The following CACNA2D1 variants were observed in gnomAD, a reference collection of about 807,000 sequenced individuals.
CACNA2D1 encodes the protein voltage-dependent calcium channel subunit alpha-2/delta-1.
In CACNA2D1, 53 loss-of-function variants were observed where a neutral mutation model predicts 171.5. The observed-to-expected ratio is 0.31, with a 90% CI of 0.25 to 0.39. The LOEUF (loss-of-function observed/expected upper bound fraction) is 0.39, where lower values mean the gene tolerates loss of function less well. Ranked by LOEUF, CACNA2D1 falls within the 10% of genes least tolerant of loss-of-function variation. The pLI is 1.00. For synonymous variants in CACNA2D1, 442 were observed against 443.1 expected (o/e 1.00, Z 0.03); for missense variants, 903 against 1,299.8 (o/e 0.69, Z 4.69).
chr7:82,196,220 ACT>A (rs1342470360), intron 3 of CACNA2D1, among the ~76,000 whole-genome samples: 1 of 152,078 alleles, frequency 6.6e-6, no homozygotes, highest in Non-Finnish European at 1.5e-5. Context: ...TGGTCTAATA[ACT>A]CTCTTTAAAG....
At chr7:81,996,039 A>G (rs1240206964) in intron 19 of CACNA2D1, among the ~76,000 whole-genome samples, 1 of 152,188 alleles carries the variant, frequency 6.6e-6, no homozygotes, top group East Asian at 1.9e-4. Context: ...TCTTAAAGGA[A>G]GGAGTAGATA....
At chr7:82,258,386 C>A (rs911702539) in intron 3 of CACNA2D1, among the ~76,000 whole-genome samples, 2 of 151,840 alleles carry the variant, frequency 1.3e-5, no homozygotes, top group Non-Finnish European at 2.9e-5. Flanking sequence ...GTAAGGCCGT[C>A]TAGTTCAATG....
intron 11 of CACNA2D1, 115 bp from the exon 12 acceptor site, chr7:82,033,016 C>A: frequency 1.5e-6 from 1 of 679,678 alleles, no homozygotes; most frequent in Non-Finnish European, 2.7e-6. Context: ...AATATCTGCT[C>A]ACAAAATATA....
At chr7:82,156,883 C>T (rs1408527381) in intron 4 of CACNA2D1, among the ~76,000 whole-genome samples, 3 of 152,018 alleles carry the variant, frequency 2.0e-5, no homozygotes, top group Non-Finnish European at 4.4e-5. Flanking sequence ...TGACTAGCAT[C>T]AACATAATTA....
intron 8 of CACNA2D1, among the ~76,000 whole-genome samples, chr7:82,065,178 C>G (rs114559024): frequency 6.6e-6 from 1 of 152,138 alleles, no homozygotes; most frequent in African/African-American, 2.4e-5. Context: ...TGCCAGTTAA[C>G]TTTCCAATTA....
chr7:82,443,613 G>C lies in CACNA2D1; in HGVS notation c.-154C>G. The C allele has an allele frequency of 7.3e-7, 1 of 1,366,818 alleles. No individual in the cohort carries two copies. The highest frequency in any genetic ancestry group is 9.4e-7 in the Non-Finnish European group (1 of 1,065,780). The allele number at this position is 1,366,818 out of a possible 1,614,324, so 84.7% of individuals were successfully genotyped here. ...GGGGCCCGAGGCGCGGAGCCGCGCG[G>C]GGGACGGCAAGGGCGGGAGCGGACG... On this transcript the variant is annotated 5_prime_UTR_variant, in exon 1 of 39. Coordinates refer to ENST00000356860, the MANE Select transcript of CACNA2D1 (RefSeq NM_000722.4).
At chr7:82,415,584 G>A (rs1828088759) in intron 1 of CACNA2D1, among the ~76,000 whole-genome samples, 1 of 151,934 alleles carries the variant, frequency 6.6e-6, no homozygotes, top group Non-Finnish European at 1.5e-5. Flanking sequence ...TAATAAACAG[G>A]CAACATTGCA....
At chr7:82,198,522 T>C (rs1446719132) in intron 3 of CACNA2D1, among the ~76,000 whole-genome samples, 1 of 151,540 alleles carries the variant, frequency 6.6e-6, no homozygotes, top group Non-Finnish European at 1.5e-5. Context: ...CATCACTTAA[T>C]TCAGAATGTC....
At chr7:81,960,719 CTTACTTCT>C (rs11278096) in intron 36 of CACNA2D1, among the ~76,000 whole-genome samples, 34,368 of 151,700 alleles carry the variant, frequency 0.23, 3,949 homozygotes, top group Middle Eastern at 0.28. Context: ...TACAATTTAA[CTTACTTCT>C]TTAAGCACAC....
chr7:81,950,342 T>C lies in CACNA2D1; in HGVS notation c.*50A>G. 1 of 1,612,680 alleles carries C rather than the reference T, an allele frequency of 6.2e-7. No individual in the cohort carries two copies. The highest frequency in any genetic ancestry group is 8.5e-7 in the Non-Finnish European group (1 of 1,179,090). On this transcript the variant is annotated 3_prime_UTR_variant, in exon 39 of 39. Transcript: ENST00000356860. Reference sequence around the variant, plus strand: ...TTACTGTAATTGAGGGCAGGGCTCATGTTTTGGCAGGGTCTGGAGTTTAAC... The same window carrying C: ...TTACTGTAATTGAGGGCAGGGCTCACGTTTTGGCAGGGTCTGGAGTTTAAC...
intron 24 of CACNA2D1, among the ~76,000 whole-genome samples, chr7:81,976,705 T>C (rs1795887563): frequency 6.6e-6 from 1 of 151,948 alleles, no homozygotes; most frequent in Admixed American, 6.6e-5. Flanking sequence ...ATACAAAAAA[T>C]TAGCCAGGCA....
chr7:82,061,045 A>G (rs915271651), intron 9 of CACNA2D1, among the ~76,000 whole-genome samples: 44 of 152,262 alleles, frequency 2.9e-4, no homozygotes, highest in African/African-American at 1.0e-3. Context: ...ATTCTACAAT[A>G]CTTGGTGACT....
At chr7:81,968,643 T>A (rs1182894179) in intron 29 of CACNA2D1, among the ~76,000 whole-genome samples, 1 of 151,418 alleles carries the variant, frequency 6.6e-6, no homozygotes, top group Admixed American at 6.6e-5. Context: ...TTCCATCAAT[T>A]TGTGTCAGAG....
At chr7:82,101,780 G>A (rs1047931532) in intron 6 of CACNA2D1, among the ~76,000 whole-genome samples, 1 of 151,970 alleles carries the variant, frequency 6.6e-6, no homozygotes, top group African/African-American at 2.4e-5. Flanking sequence ...TACCAATTCA[G>A]GTTAAATTCA....
chr7:81,957,146 A>ACCACCTCTAAAAATTGT (rs1793488717), intron 38 of CACNA2D1, among the ~76,000 whole-genome samples: 1 of 152,096 alleles, frequency 6.6e-6, no homozygotes, highest in African/African-American at 2.4e-5. Flanking sequence ...AATTGAGATA[A>ACCACCTCTAAAAATTGT]CCACCTCTAA....
intron 11 of CACNA2D1, among the ~76,000 whole-genome samples, chr7:82,033,263 T>C (rs923631059): frequency 1.3e-5 from 2 of 152,060 alleles, no homozygotes; most frequent in Non-Finnish European, 2.9e-5. Flanking sequence ...TGTTTGTTTA[T>C]TGTTGGTATC....
rs143388418 is a variant in CACNA2D1, at chr7:82,429,754, A to G, written c.95+13611T>C. 5.4e-3 allele frequency among the ~76,000 whole-genome samples: 819 copies of G among 152,328 alleles called. 4 individuals carry two copies. The highest frequency in any genetic ancestry group is 0.019 in the African/African-American group (770 of 41,572). On this transcript the variant is annotated intron_variant, in intron 1 of 38. Transcript: ENST00000356860. ...ATAAATTTTAAACAATTACTCACCA[A>G]TAGACCTTGACACCCATGTATCAAT...
intron 3 of CACNA2D1, among the ~76,000 whole-genome samples, chr7:82,193,008 T>C (rs1484424101): frequency 6.6e-6 from 1 of 151,848 alleles, no homozygotes; most frequent in Non-Finnish European, 1.5e-5. Context: ...TGGAACTAGA[T>C]CCCATTTGTT....
rs192974824 is a variant in CACNA2D1, at chr7:82,024,838, A to T, written c.1143+7959T>A. ...TCTTTGTGTATGGTGTCAGATAAGG[A>T]TCCAATTTCATCTTTATTTGCATGT... On this transcript the variant is annotated intron_variant, in intron 12 of 38. Coordinates refer to ENST00000356860, the MANE Select transcript of CACNA2D1 (RefSeq NM_000722.4). 5.6e-3 allele frequency among the ~76,000 whole-genome samples: 854 copies of T among 151,754 alleles called. 16 individuals carry two copies. Among genetic ancestry groups the T allele is most frequent in the Admixed American group, 0.05 (760 of 15,168 alleles).
Sources: allele counts gnomAD v4.1 joint callset (sites outside exome capture counted in the v4.1 genomes callset), GRCh38; gene constraint gnomAD v4.1.1; transcripts MANE v1.5; gene names NCBI Gene and HGNC (gene_info 2026-07-23, HGNC 2026-07-21).